Variants in RNF144A observed in about 807,000 individuals in gnomAD.
RNF144A encodes the protein ring finger protein 144A.
RNF144A carries 11 observed loss-of-function variants against 38.7 expected under a neutral mutation model. The observed-to-expected ratio is 0.28, with a 90% CI of 0.18 to 0.47. RNF144A has a LOEUF of 0.47. Ranked by LOEUF, RNF144A falls within the 20% of genes least tolerant of loss-of-function variation. RNF144A has a pLI of 0.99. For synonymous variants in RNF144A, 149 were observed against 143.9 expected (o/e 1.04, Z -0.25); for missense variants, 316 against 377.2 (o/e 0.84, Z 1.34).
chr2:7,038,175 A>AG (rs977386515), intron 8 of RNF144A, among the ~76,000 whole-genome samples: 2 of 152,218 alleles, frequency 1.3e-5, no homozygotes, highest in Admixed American at 1.3e-4. Flanking sequence ...CAGGAAGGAC[A>AG]GGGGGCCAGG....
intron 8 of RNF144A, among the ~76,000 whole-genome samples, chr2:7,036,530 A>C (rs1403439511): frequency 6.6e-6 from 1 of 152,222 alleles, no homozygotes; most frequent in Non-Finnish European, 1.5e-5. Flanking sequence ...CACTGAGATC[A>C]GTGAAATAGG....
At chr2:7,033,967 G>A (rs1672494916) in intron 8 of RNF144A, among the ~76,000 whole-genome samples, 2 of 152,176 alleles carry the variant, frequency 1.3e-5, no homozygotes, top group Non-Finnish European at 2.9e-5. Flanking sequence ...TACACGTGGG[G>A]AACTTCACAG....
intron 6 of RNF144A, among the ~76,000 whole-genome samples, chr2:7,053,513 A>T (rs1673608361): frequency 6.6e-6 from 1 of 152,152 alleles, no homozygotes; most frequent in Non-Finnish European, 1.5e-5. Flanking sequence ...GGCAGAATTT[A>T]TTTCATTCTG....
At chr2:6,945,976 G>A (rs1666320787) in intron 2 of RNF144A, among the ~76,000 whole-genome samples, 1 of 152,132 alleles carries the variant, frequency 6.6e-6, no homozygotes, top group Admixed American at 6.5e-5. Flanking sequence ...TCTGTCTCCT[G>A]GGCAGGGAGA....
At chr2:6,975,895 G>A (rs72781745) in intron 2 of RNF144A, among the ~76,000 whole-genome samples, 5,951 of 152,340 alleles carry the variant, frequency 0.039, 166 homozygotes, top group Middle Eastern at 0.061. Flanking sequence ...AAAGTTTATC[G>A]TAGGATATAT....
chr2:7,010,861 C>T (rs1340959531), intron 3 of RNF144A, among the ~76,000 whole-genome samples: 1 of 152,142 alleles, frequency 6.6e-6, no homozygotes, highest in East Asian at 1.9e-4. Context: ...CTTGAAGTGG[C>T]CCCATGAGAG....
chr2:7,064,271 G>A lies in RNF144A; in HGVS notation c.735-3945G>A, dbSNP rs564217820. ...GCAGATGAGAAAGGAGAAAACAAGA[G>A]TCTAGGAGGCAGGATTTGCCAAACA... On this transcript the variant is annotated intron_variant, in intron 6 of 6. Coordinates refer to the RNF144A transcript ENST00000432850. Among the ~76,000 whole-genome samples, 177 of 152,214 alleles carry A rather than the reference G, an allele frequency of 1.2e-3. 9 individuals carry two copies. In the South Asian group the frequency reaches 0.036, roughly 31 times the overall value.
chr2:7,020,796 A>G, intron 6 of RNF144A, 116 bp downstream of exon 6: 1 of 836,070 alleles, frequency 1.2e-6, no homozygotes. Flanking sequence ...AGTCAACCCT[A>G]ACACACACTG....
the RNF144A span, among the ~76,000 whole-genome samples, chr2:7,074,283 C>T: frequency 1.3e-5 from 2 of 152,132 alleles, no homozygotes; most frequent in Non-Finnish European, 2.9e-5. Context: ...TCGTTCTGGG[C>T]CTGCCTACCC....
At chr2:6,964,051 G>A (rs914881726) in intron 2 of RNF144A, among the ~76,000 whole-genome samples, 3 of 151,886 alleles carry the variant, frequency 2.0e-5, no homozygotes, top group African/African-American at 7.3e-5. Context: ...TGTGGCAAGG[G>A]TAGCAGAGAT....
intron 1 of RNF144A, among the ~76,000 whole-genome samples, chr2:6,919,405 G>A (rs1235750251): frequency 6.6e-6 from 1 of 152,166 alleles, no homozygotes; most frequent in Non-Finnish European, 1.5e-5. Flanking sequence ...TTACATTTTT[G>A]TTTTTATTTT....
At chr2:6,931,562 A>G (rs1665212335) in intron 1 of RNF144A, among the ~76,000 whole-genome samples, 1 of 152,186 alleles carries the variant, frequency 6.6e-6, no homozygotes, top group Non-Finnish European at 1.5e-5. Context: ...GACCCATGTC[A>G]TTTTTTTCCT....
intron 6 of RNF144A, among the ~76,000 whole-genome samples, chr2:7,057,024 C>A (rs1349361151): frequency 6.6e-6 from 1 of 152,262 alleles, no homozygotes; most frequent in East Asian, 1.9e-4. Context: ...CCCAGGGGGT[C>A]CTGCCAGTCT....
Position 7,032,671 on chromosome 2 carries a change from C to T in RNF144A, c.747+2456C>T, listed in dbSNP as rs115315339. 3.5e-3 allele frequency among the ~76,000 whole-genome samples: 529 copies of T among 152,358 alleles called. 2 individuals are homozygous for T. Among genetic ancestry groups the T allele is most frequent in the African/African-American group, 0.012 (513 of 41,582 alleles). On this transcript the variant is annotated intron_variant, in intron 8 of 8. Coordinates refer to ENST00000320892, the MANE Select transcript of RNF144A (RefSeq NM_014746.6). ...CTCCACCTCGTCTTCCATCATTGTCCAAATCCCCCCTTTCTATCAGGACAT... is the reference window on the plus strand; with the variant it reads ...CTCCACCTCGTCTTCCATCATTGTCTAAATCCCCCCTTTCTATCAGGACAT...
intron 3 of RNF144A, among the ~76,000 whole-genome samples, chr2:7,014,211 C>A (rs151245715): frequency 1.3e-5 from 2 of 152,326 alleles, no homozygotes; most frequent in African/African-American, 4.8e-5. Context: ...GTGCCGGGAT[C>A]TAACCCATAG....
intron 6 of RNF144A, among the ~76,000 whole-genome samples, chr2:7,059,028 G>A (rs1177393163): frequency 2.0e-5 from 3 of 151,898 alleles, no homozygotes; most frequent in Admixed American, 6.6e-5. Flanking sequence ...TTGAGAGAGG[G>A]TGAGGTGAAA....
intron 1 of RNF144A, among the ~76,000 whole-genome samples, chr2:6,927,542 T>C (rs1011086611): frequency 2.6e-5 from 4 of 152,166 alleles, no homozygotes. Context: ...GACTTCTTCC[T>C]TGTGTAGCAG....
chr2:6,979,469 C>T (rs1392075470), intron 2 of RNF144A, among the ~76,000 whole-genome samples: 1 of 152,122 alleles, frequency 6.6e-6, no homozygotes, highest in Non-Finnish European at 1.5e-5. Flanking sequence ...CTGTTTAATA[C>T]CTAGAAGACT....
At chr2:7,039,520 GTGGATGGA>G (rs530628262) in intron 8 of RNF144A, 101 bp from the exon 9 acceptor site, 21 of 1,522,994 alleles carry the variant, frequency 1.4e-5, no homozygotes, top group East Asian at 1.1e-4. Flanking sequence ...GGATGGTTGG[GTGGATGGA>G]TGGATGGATG....
Sources: allele counts gnomAD v4.1 joint callset (sites outside exome capture counted in the v4.1 genomes callset), GRCh38; gene constraint gnomAD v4.1.1; transcripts MANE v1.5; gene names NCBI Gene and HGNC (gene_info 2026-07-23, HGNC 2026-07-21).